CYSTM1: variants seen among roughly 807,000 people sequenced by gnomAD.
CYSTM1 encodes the protein cysteine rich transmembrane module containing 1, also known as cysteine-rich transmembrane module-containing protein 1.
CYSTM1 carries 4 observed loss-of-function variants against 13.1 expected under a neutral mutation model. That is an observed-to-expected ratio of 0.31 (90% confidence interval 0.15 to 0.70). The LOEUF is 0.70. CYSTM1 is among the 30% of genes least tolerant of loss of function. The probability of loss-of-function intolerance (pLI) is 0.72; values close to 1 mark genes in which losing one functional copy is unlikely to be tolerated. For missense variants in CYSTM1, 96 were observed against 121.6 expected (o/e 0.79, Z 0.99); for synonymous variants, 36 against 42.7 (o/e 0.84, Z 0.62).
chr5:140,223,445 G>A (rs556596170), intron 2 of CYSTM1, among the ~76,000 whole-genome samples: 49 of 152,366 alleles, frequency 3.2e-4, no homozygotes, highest in African/African-American at 1.2e-3. Context: ...GAAAGGTGAA[G>A]GGGACAGCCC....
chr5:140,222,965 C>T (rs1764508625), intron 2 of CYSTM1, among the ~76,000 whole-genome samples: 1 of 152,254 alleles, frequency 6.6e-6, no homozygotes, highest in Non-Finnish European at 1.5e-5. Context: ...CTCTGTTCTT[C>T]TGGACACTGT....
intron 1 of CYSTM1, 32 bp from the exon 2 acceptor site, chr5:140,194,414 T>G: frequency 2.0e-6 from 3 of 1,512,538 alleles, no homozygotes; most frequent in Non-Finnish European, 2.6e-6. Flanking sequence ...CACAGTTAAA[T>G]GCAAATAATT....
chr5:140,238,839 G>A (rs918864027), intron 2 of CYSTM1, among the ~76,000 whole-genome samples: 2 of 152,196 alleles, frequency 1.3e-5, no homozygotes, highest in African/African-American at 2.4e-5. Context: ...TGCCCAATGC[G>A]GGGCAAGGGC....
Position 140,239,157 on chromosome 5 carries a change from C to T in CYSTM1, c.188-4148C>T, listed in dbSNP as rs548911568. Among the ~76,000 whole-genome samples the T allele has an allele frequency of 6.6e-6, 1 of 152,198 alleles. No individual in the cohort carries two copies. Among genetic ancestry groups the T allele is most frequent in the South Asian group, 2.1e-4 (1 of 4,834 alleles). On this transcript the variant is annotated intron_variant, in intron 2 of 2. Transcript: ENST00000261811. The surrounding 1 kb of genome is among the most constrained non-coding windows in gnomAD (Gnocchi z 5.4). Reference sequence around the variant, plus strand: ...AGGACCTAATAAGGCTCAATTACCACATCAAGGCACTCGATTCATCATTTA... The same window carrying T: ...AGGACCTAATAAGGCTCAATTACCATATCAAGGCACTCGATTCATCATTTA...
intron 2 of CYSTM1, among the ~76,000 whole-genome samples, chr5:140,235,094 G>A (rs1477028876): frequency 6.6e-6 from 1 of 151,570 alleles, no homozygotes; most frequent in Non-Finnish European, 1.5e-5. Context: ...AGCCTCCTAA[G>A]TAGCTGGGAT....
chr5:140,229,833 G>A (rs1430037803), intron 2 of CYSTM1, among the ~76,000 whole-genome samples: 3 of 151,902 alleles, frequency 2.0e-5, no homozygotes, highest in African/African-American at 7.2e-5. Context: ...AAGTAGCTGG[G>A]ATTACAGGCA....
At chr5:140,204,790 T>A (rs1249537225) in intron 2 of CYSTM1, among the ~76,000 whole-genome samples, 2 of 152,168 alleles carry the variant, frequency 1.3e-5, no homozygotes, top group Admixed American at 1.3e-4. Context: ...TGTGTGTATG[T>A]GTATGTGTAT....
chr5:140,243,693 A>G lies in CYSTM1; in HGVS notation c.*282A>G. 1 of 277,566 alleles carries G rather than the reference A, an allele frequency of 3.6e-6. No individual in the cohort carries two copies. The highest frequency in any genetic ancestry group is 6.8e-6 in the Non-Finnish European group (1 of 146,634). The allele number at this position is 277,566 out of a possible 1,614,324, so 17.2% of individuals were successfully genotyped here. On this transcript the variant is annotated 3_prime_UTR_variant, in exon 3 of 3. Transcript: ENST00000261811. ...GTGAAAAATATAATTTTTAAATTAT[A>G]CATTCAAGGTAGTGGCCAAATGTAA...
intron 1 of CYSTM1, among the ~76,000 whole-genome samples, chr5:140,184,752 G>A (rs1456580696): frequency 6.6e-6 from 1 of 152,202 alleles, no homozygotes; most frequent in Non-Finnish European, 1.5e-5. Context: ...AAGCTTTATG[G>A]AGAAAGGTTT....
At chr5:140,238,949 G>A (rs937368440) in intron 2 of CYSTM1, among the ~76,000 whole-genome samples, 3 of 152,208 alleles carry the variant, frequency 2.0e-5, no homozygotes, top group Non-Finnish European at 4.4e-5. Flanking sequence ...CTTAGCAGTT[G>A]AGGGCCAGCC....
chr5:140,217,944 G>A (rs1016861424), intron 2 of CYSTM1, among the ~76,000 whole-genome samples: 2 of 152,156 alleles, frequency 1.3e-5, no homozygotes, highest in Admixed American at 1.3e-4. Context: ...TAGGAGCTGA[G>A]GGTCCCCAGA....
In CYSTM1 at chr5:140,219,302, T is replaced by C. The variant is rs1250240686; in HGVS notation, c.188-24003T>C. Among the ~76,000 whole-genome samples, 2 of 152,150 alleles carry C rather than the reference T, an allele frequency of 1.3e-5. No homozygotes were observed. The highest frequency in any genetic ancestry group is 1.5e-5 in the Non-Finnish European group (1 of 68,032). On this transcript the variant is annotated intron_variant, in intron 2 of 2. Coordinates refer to ENST00000261811, the MANE Select transcript of CYSTM1 (RefSeq NM_032412.4). The surrounding 1 kb of genome is among the most constrained non-coding windows in gnomAD (Gnocchi z 4.1). ...AAACAGTGTTACGAAACAGCAGGAA[T>C]TGCGGTGGATAATTTGGCATAGCCC...
At chr5:140,224,277 T>A (rs955168627) in intron 2 of CYSTM1, among the ~76,000 whole-genome samples, 2 of 151,936 alleles carry the variant, frequency 1.3e-5, no homozygotes, top group African/African-American at 4.8e-5. Context: ...GTAGCTGGGA[T>A]TACAGGCATG....
At chr5:140,205,778 G>A (rs1764291272) in intron 2 of CYSTM1, among the ~76,000 whole-genome samples, 1 of 152,146 alleles carries the variant, frequency 6.6e-6, no homozygotes, top group Non-Finnish European at 1.5e-5. Flanking sequence ...TAGGGGTGGG[G>A]AAGACAAAGC....
intron 1 of CYSTM1, among the ~76,000 whole-genome samples, chr5:140,178,183 G>A (rs1233329511): frequency 6.6e-6 from 1 of 152,124 alleles, no homozygotes; most frequent in Non-Finnish European, 1.5e-5. Context: ...GGAGCATTTT[G>A]AGCTCACATT....
At chr5:140,224,959 T>C (rs2126668462) in intron 2 of CYSTM1, among the ~76,000 whole-genome samples, 1 of 152,320 alleles carries the variant, frequency 6.6e-6, no homozygotes, top group East Asian at 1.9e-4. Context: ...AGCAGGAGGA[T>C]GGCTTGAGGC....
In CYSTM1 at chr5:140,175,619, C is replaced by T. The variant is rs998766009; in HGVS notation, c.-21+334C>T. On this transcript the variant is annotated intron_variant, in intron 1 of 2. Transcript: ENST00000261811. The surrounding 1 kb of genome is among the most constrained non-coding windows in gnomAD (Gnocchi z 4.9). ...GGGCTCGGAGCGGGGCTCGCCACAC[C>T]CCGTCCCGGGGGACGTCCGCGGGAG... Among the ~76,000 whole-genome samples the T allele has an allele frequency of 2.0e-5, 3 of 152,240 alleles. No homozygotes were observed. The highest frequency in any genetic ancestry group is 4.8e-5 in the African/African-American group (2 of 41,470).
At chr5:140,196,523 C>A (rs981720116) in intron 2 of CYSTM1, among the ~76,000 whole-genome samples, 1 of 152,124 alleles carries the variant, frequency 6.6e-6, no homozygotes, top group African/African-American at 2.4e-5. Context: ...ATTTGAATAC[C>A]TTTAAAGAAT....
At chr5:140,198,457 C>G (rs1163650070) in intron 2 of CYSTM1, among the ~76,000 whole-genome samples, 1 of 152,200 alleles carries the variant, frequency 6.6e-6, no homozygotes, top group Non-Finnish European at 1.5e-5. Context: ...TGGTTTGCCT[C>G]CACGAGGCCT....
Sources: allele counts gnomAD v4.1 joint callset (sites outside exome capture counted in the v4.1 genomes callset), GRCh38; gene constraint gnomAD v4.1.1; non-coding constraint Gnocchi (gnomAD v3.1); transcripts MANE v1.5; gene names NCBI Gene and HGNC (gene_info 2026-07-23, HGNC 2026-07-21).